The following AFF4 variants were observed in gnomAD, a reference collection of about 807,000 sequenced individuals.
AFF4 encodes ALF transcription elongation factor 4.
AFF4 carries 13 observed loss-of-function variants against 124.8 expected under a neutral mutation model. That is an observed-to-expected ratio of 0.10 (90% CI 0.07 to 0.17). AFF4 has a LOEUF of 0.17. Among genes scored for constraint, AFF4 ranks in the 10% least tolerant of loss-of-function variants. AFF4 has a pLI of 1.00. For synonymous variants in AFF4, 477 were observed against 496.1 expected (o/e 0.96, Z 0.51); for missense variants, 1,092 against 1,403.8 (o/e 0.78, Z 3.55).
intron 10 of AFF4, 103 bp from the exon 11 acceptor site, chr5:132,897,343 G>C (rs1760434123): frequency 1.7e-6 from 2 of 1,189,212 alleles, no homozygotes; most frequent in Non-Finnish European, 2.4e-6. Flanking sequence ...AATGCCTAAT[G>C]CAACAAAAGC....
At chr5:132,960,520 T>G (rs1368827696) in intron 1 of AFF4, among the ~76,000 whole-genome samples, 5 of 152,176 alleles carry the variant, frequency 3.3e-5, no homozygotes, top group African/African-American at 9.6e-5. Context: ...TTTGTTCCTC[T>G]CAGGTACACA....
chr5:132,878,484 G>C lies in AFF4; in HGVS notation c.*2575C>G, dbSNP rs139163363. On this transcript the variant is annotated 3_prime_UTR_variant, in exon 21 of 21. Transcript: ENST00000265343. ...GAGGACACCTATTGAGGAGGGAGGGGGGAAGGTCACCTGTAAAGGAGTCCA... is the reference window on the plus strand; with the variant it reads ...GAGGACACCTATTGAGGAGGGAGGGCGGAAGGTCACCTGTAAAGGAGTCCA... The C allele has an allele frequency of 1.2e-3, 285 of 232,592 alleles. 1 individual carries two copies. Among genetic ancestry groups the C allele is most frequent in the African/African-American group, 5.8e-3 (265 of 45,396 alleles). The allele number at this position is 232,592 out of a possible 1,614,324, so 14.4% of individuals were successfully genotyped here.
chr5:132,929,642 G>A (rs1761256143), intron 4 of AFF4, among the ~76,000 whole-genome samples: 1 of 152,142 alleles, frequency 6.6e-6, no homozygotes, highest in Non-Finnish European at 1.5e-5. Context: ...TTTATTTAAG[G>A]AGGTAAAAGA....
At chr5:132,912,835 T>C (rs1456326935) in intron 5 of AFF4, among the ~76,000 whole-genome samples, 3 of 148,666 alleles carry the variant, frequency 2.0e-5, no homozygotes, top group East Asian at 2.0e-4. Context: ...CACTTGAAGA[T>C]AGAGGCTGAC....
chr5:132,919,379 TAC>T (rs766598623), intron 5 of AFF4, among the ~76,000 whole-genome samples: 7 of 152,136 alleles, frequency 4.6e-5, no homozygotes, highest in Non-Finnish European at 1.0e-4. Flanking sequence ...GCATCACACA[TAC>T]AGAGTCAACT....
chr5:132,895,891 G>C (rs542205133), intron 11 of AFF4, among the ~76,000 whole-genome samples: 1 of 149,368 alleles, frequency 6.7e-6, no homozygotes, highest in African/African-American at 2.5e-5. Flanking sequence ...CTGGGGCATA[G>C]AGGTGCATAG....
At chr5:132,959,766 T>TTC (rs1232371593) in intron 1 of AFF4, among the ~76,000 whole-genome samples, 14 of 137,262 alleles carry the variant, frequency 1.0e-4, no homozygotes, top group African/African-American at 3.4e-4. Context: ...TCTTTTTTTT[T>TTC]TTTTTTTTTT....
Position 132,888,088 on chromosome 5 carries a change from T to G in AFF4, c.2796+9A>C, listed in dbSNP as rs1425703405. 1.2e-6 allele frequency: 2 copies of G among 1,609,132 alleles called. No individual in the cohort carries two copies. The highest frequency in any genetic ancestry group is 1.1e-5 in the South Asian group (1 of 90,770). On this transcript the variant is annotated intron_variant, in intron 15 of 20. Coordinates refer to ENST00000265343, the MANE Select transcript of AFF4 (RefSeq NM_014423.4). Reference sequence around the variant, plus strand: ...TAAATACGTAAGTGTAAGGAGAATATCTACATACCAATGCATCTGCATTGT... The same window carrying G: ...TAAATACGTAAGTGTAAGGAGAATAGCTACATACCAATGCATCTGCATTGT...
intron 1 of AFF4, among the ~76,000 whole-genome samples, chr5:132,944,292 G>GCGGAGCT (rs1489618284): frequency 2.0e-5 from 3 of 151,568 alleles, no homozygotes; most frequent in Admixed American, 1.3e-4. Flanking sequence ...AGCCGAGATC[G>GCGGAGCT]TGCCGCTGCA....
At chr5:132,923,927 G>A (rs1249596215) in intron 5 of AFF4, among the ~76,000 whole-genome samples, 1 of 152,030 alleles carries the variant, frequency 6.6e-6, no homozygotes, top group East Asian at 1.9e-4. Flanking sequence ...AAATTTTGGT[G>A]TTTCCATATA....
At chr5:132,946,971 C>T (rs763717567) in intron 1 of AFF4, among the ~76,000 whole-genome samples, 2 of 152,060 alleles carry the variant, frequency 1.3e-5, no homozygotes, top group Admixed American at 6.6e-5. Context: ...GCACGAGAAT[C>T]GCTTGAACCC....
rs202240945 is a variant in AFF4, at chr5:132,880,555, T to C, written c.*504A>G. 7.7e-6 allele frequency: 3 copies of C among 389,656 alleles called. No homozygotes were observed. The East Asian group carries it at 1.1e-4, about 14-fold the overall frequency. The allele number at this position is 389,656 out of a possible 1,614,324, so 24.1% of individuals were successfully genotyped here. A position where few individuals can be genotyped will look rare whatever the true frequency, so the allele number is the denominator to read the frequency against. On this transcript the variant is annotated 3_prime_UTR_variant, in exon 21 of 21. Coordinates refer to ENST00000265343, the MANE Select transcript of AFF4 (RefSeq NM_014423.4). ...GGTCAGGTAGCAGGTGTAGAAAGAA[T>C]ATGTCCTTATTTTAGACGAACCAAT...
intron 1 of AFF4, among the ~76,000 whole-genome samples, chr5:132,938,736 G>A (rs1166191587): frequency 6.6e-6 from 1 of 151,516 alleles, no homozygotes. Context: ...AAGGTCAGGA[G>A]ATCGAGACCA....
chr5:132,909,537 CGT>C (rs144739211), intron 5 of AFF4, among the ~76,000 whole-genome samples: 2,251 of 150,994 alleles, frequency 0.015, 66 homozygotes, highest in African/African-American at 0.052. Flanking sequence ...TGGTGGTGTG[CGT>C]GTGTGTGTGT....
At position 132,896,414 on chromosome 5, in the gene AFF4, C is replaced by A; in HGVS notation, c.2216G>T (p.Gly739Val). ...CTTTTCTGGCACATTTTTCTTTTCC[C>A]CCTTGGGCGGCTCTGTTTCTTTGTA... ...KPYKETEPPK[G>V]EKKNVPEKHT... The change falls in exon 11 of 21, where the codon GGG becomes GTG. Residue 739 changes from glycine to valine, a missense_variant. Physicochemically the swap from Gly to Val is moderately radical, Grantham distance 109. This residue lies in a region of AFF4 where 293 missense variants were observed against 280.2 expected (regional missense o/e 1.05). Coordinates refer to ENST00000265343, the MANE Select transcript of AFF4 (RefSeq NM_014423.4). 6.2e-7 allele frequency: 1 copy of A among 1,614,080 alleles called. No individual in the cohort carries two copies. The highest frequency in any genetic ancestry group is 8.5e-7 in the Non-Finnish European group (1 of 1,180,008).
At chr5:132,963,218 G>C in intron 1 of AFF4, 41 bp downstream of exon 1, 1 of 387,600 alleles carries the variant, frequency 2.6e-6, no homozygotes, top group Admixed American at 4.5e-5. Context: ...CAACCCCCGC[G>C]GCCCGGCCCG....
rs759279913 is a variant in AFF4, at chr5:132,899,099, C to A, written c.1226+5G>T. On this transcript the variant is annotated splice_donor_5th_base_variant and intron_variant, in intron 9 of 20. Transcript: ENST00000265343. Reference sequence around the variant, plus strand: ...CAATAAAACAGAAAAGAAAAGGATGCCCACCTTCCTGGTGTACTCCTCGGC... The same window carrying A: ...CAATAAAACAGAAAAGAAAAGGATGACCACCTTCCTGGTGTACTCCTCGGC... 1.9e-6 allele frequency: 3 copies of A among 1,612,498 alleles called. No individual in the cohort carries two copies.
intron 5 of AFF4, among the ~76,000 whole-genome samples, chr5:132,911,985 A>G (rs1760801214): frequency 6.6e-6 from 1 of 151,996 alleles, no homozygotes; most frequent in South Asian, 2.1e-4. Context: ...AAACACTTTA[A>G]AAATAAAAAT....
At chr5:132,910,622 A>G (rs1474361381) in intron 5 of AFF4, among the ~76,000 whole-genome samples, 1 of 152,224 alleles carries the variant, frequency 6.6e-6, no homozygotes, top group Non-Finnish European at 1.5e-5. Context: ...GGAGAATGAG[A>G]TAAGCTATCG....
Sources: allele counts gnomAD v4.1 joint callset (sites outside exome capture counted in the v4.1 genomes callset), GRCh38; gene constraint gnomAD v4.1.1; regional missense constraint gnomAD v4.1.1; transcripts MANE v1.5; gene names NCBI Gene and HGNC (gene_info 2026-07-23, HGNC 2026-07-21).